NAV3: variants seen among roughly 807,000 people sequenced by gnomAD.
The protein encoded by NAV3 is neuron navigator 3, also known as pore membrane and/or filament interacting like protein 1.
A neutral mutation model predicts 244.7 loss-of-function variants in NAV3; 87 were observed. That is an observed-to-expected ratio of 0.36 (90% confidence interval 0.30 to 0.42). The LOEUF is 0.42. Ranked by LOEUF, NAV3 falls within the 20% of genes least tolerant of loss-of-function variation. The pLI is 1.00. For missense variants in NAV3, 2,663 were observed against 2,893.3 expected (o/e 0.92, Z 1.83); for synonymous variants, 1,126 against 1,042.2 (o/e 1.08, Z -1.55).
intron 2 of NAV3, among the ~76,000 whole-genome samples, chr12:77,636,372 A>G (rs572865643): frequency 6.6e-6 from 1 of 151,598 alleles, no homozygotes; most frequent in Non-Finnish European, 1.5e-5. Flanking sequence ...AGGCTGAGGC[A>G]GGAGAATGAC....
chr12:77,901,208 G>T (rs1010391895), intron 1 of NAV3, among the ~76,000 whole-genome samples: 1 of 152,086 alleles, frequency 6.6e-6, no homozygotes, highest in Non-Finnish European at 1.5e-5. Context: ...CTTCTGCTCT[G>T]CAGAAGCTCT....
chr12:77,889,900 A>C (rs1451863250), intron 1 of NAV3, among the ~76,000 whole-genome samples: 4 of 152,182 alleles, frequency 2.6e-5, no homozygotes, highest in Non-Finnish European at 5.9e-5. Flanking sequence ...AGCCGTTATA[A>C]GTTTGAACTC....
Position 77,612,879 on chromosome 12 carries a change from G to A in NAV3, c.72+40613G>A, listed in dbSNP as rs554027545. Among the ~76,000 whole-genome samples the A allele has an allele frequency of 2.0e-5, 3 of 152,170 alleles. No homozygotes were observed. The East Asian group carries it at 5.8e-4, about 29-fold the overall frequency. On this transcript the variant is annotated intron_variant, in intron 2 of 8. Coordinates refer to the NAV3 transcript ENST00000550042. ...ATCATGGGGACGGTTCCTCCATGCTGTTCTCATGACAGTGAGTGTGTTCTC... is the reference window on the plus strand; with the variant it reads ...ATCATGGGGACGGTTCCTCCATGCTATTCTCATGACAGTGAGTGTGTTCTC...
intron 2 of NAV3, among the ~76,000 whole-genome samples, chr12:77,810,711 G>A (rs1216537183): frequency 1.3e-5 from 2 of 152,108 alleles, no homozygotes; most frequent in Non-Finnish European, 2.9e-5. Flanking sequence ...TAAAATACTA[G>A]CAAATGTATT....
chr12:77,734,202 A>C (rs1877242018), intron 2 of NAV3, among the ~76,000 whole-genome samples: 1 of 152,082 alleles, frequency 6.6e-6, no homozygotes, highest in South Asian at 2.1e-4. Flanking sequence ...AAAATCTAGC[A>C]ATCCATCAAC....
chr12:77,983,164 A>G (rs1869873475), intron 5 of NAV3, among the ~76,000 whole-genome samples: 1 of 152,228 alleles, frequency 6.6e-6, no homozygotes, highest in East Asian at 1.9e-4. Context: ...AATTGCTTTG[A>G]GAAATTTTTA....
chr12:77,708,267 T>G (rs1377572103), intron 2 of NAV3, among the ~76,000 whole-genome samples: 1 of 152,224 alleles, frequency 6.6e-6, no homozygotes, highest in African/African-American at 2.4e-5. Context: ...GTTTCAGCTT[T>G]CTACATATGG....
chr12:77,588,880 G>A (rs1375969138), intron 2 of NAV3, among the ~76,000 whole-genome samples: 2 of 152,086 alleles, frequency 1.3e-5, no homozygotes, highest in South Asian at 2.1e-4. Flanking sequence ...ATCCCTTTTG[G>A]TCTAGAGTTT....
chr12:78,090,304 GT>G (rs1953860173), intron 12 of NAV3, among the ~76,000 whole-genome samples: 1 of 149,256 alleles, frequency 6.7e-6, no homozygotes, highest in Admixed American at 6.6e-5. Flanking sequence ...CTATACACAT[GT>G]TTCTTTGATT....
At position 77,831,564 on chromosome 12, in the gene NAV3, C is replaced by T. The variant is rs1297244394; in HGVS notation, c.103C>T (p.Gln35Ter). The T allele has an allele frequency of 6.2e-7, 1 of 1,614,114 alleles. No individual in the cohort carries two copies. The highest frequency in any genetic ancestry group is 1.1e-5 in the South Asian group (1 of 91,082). The stretch of plus-strand genomic sequence containing the variant: ...ACCAAATCTTGGCACTACTGGGTCA[C>T]AGCACTGTTCTTCAAGACCTTTGGA... ...PIPNLGTTGS[Q>*]HCSSRPLELT... The change falls in exon 1 of 40, where the codon CAG (glutamine) becomes TAG (stop). Residue 35 changes from glutamine (Q) to a stop codon, truncating the protein, a stop_gained. Transcript: ENST00000397909. LOFTEE classifies it high-confidence loss of function.
At chr12:77,871,597 TC>T in intron 1 of NAV3, among the ~76,000 whole-genome samples, 1 of 152,342 alleles carries the variant, frequency 6.6e-6, no homozygotes, top group Non-Finnish European at 1.5e-5. Context: ...TTTATCTATG[TC>T]CCTGCAAAGG....
chr12:78,063,379 G>A lies in NAV3; in HGVS notation c.2636+4264G>A, dbSNP rs77532272. On this transcript the variant is annotated intron_variant, in intron 12 of 39. Coordinates refer to ENST00000397909, the MANE Select transcript of NAV3 (RefSeq NM_001024383.2). The stretch of plus-strand genomic sequence containing the variant: ...GGTTTTATACATTGTGTTGGGCTAT[G>A]TTTAAAGGGTACATTTTTGGGGACT... Among the ~76,000 whole-genome samples the A allele has an allele frequency of 3.0e-3, 453 of 152,256 alleles. 1 individual carries two copies. The highest frequency in any genetic ancestry group is 0.01 in the African/African-American group (428 of 41,556).
intron 2 of NAV3, among the ~76,000 whole-genome samples, chr12:77,798,757 CTTTG>C (rs1201619780): frequency 6.6e-6 from 1 of 152,124 alleles, no homozygotes; most frequent in Non-Finnish European, 1.5e-5. Context: ...TAGGATTAGG[CTTTG>C]TTTGTTACTG....
At chr12:77,976,674 CTTTT>C (rs869041498) in intron 5 of NAV3, among the ~76,000 whole-genome samples, 3 of 83,444 alleles carry the variant, frequency 3.6e-5, no homozygotes, top group Admixed American at 3.6e-4. Context: ...TTCTTTTTTT[CTTTT>C]TTTTTTTTTT....
intron 23 of NAV3, among the ~76,000 whole-genome samples, chr12:78,160,101 A>C (rs1957463469): frequency 6.6e-6 from 1 of 152,168 alleles, no homozygotes; most frequent in Non-Finnish European, 1.5e-5. Context: ...ACTAGTTGCC[A>C]TCTAGGGATA....
chr12:78,151,820 C>T (rs1275314881), intron 22 of NAV3, among the ~76,000 whole-genome samples: 3 of 151,000 alleles, frequency 2.0e-5, no homozygotes, highest in African/African-American at 4.9e-5. Context: ...ATGAAGGATA[C>T]AAGGGACCTC....
intron 39 of NAV3, among the ~76,000 whole-genome samples, chr12:78,206,854 C>CTTTTTTTTTTTTTTTTTTTTTTTTTTTAT (rs10594185): frequency 8.7e-6 from 1 of 114,840 alleles, no homozygotes; most frequent in African/African-American, 3.2e-5. Context: ...TTCTTTCTTA[C>CTTTTTTTTTTTTTTTTTTTTTTTTTTTAT]TTTTTTTTTT....
chr12:77,675,239 AG>A (rs58871269), intron 2 of NAV3, among the ~76,000 whole-genome samples: 2,504 of 152,328 alleles, frequency 0.016, 72 homozygotes, highest in African/African-American at 0.057. Context: ...CCAGAAAAAC[AG>A]AACTGTTAGG....
At chr12:78,000,688 A>G (rs1424799558) in intron 7 of NAV3, among the ~76,000 whole-genome samples, 15 of 145,980 alleles carry the variant, frequency 1.0e-4, no homozygotes, top group African/African-American at 1.5e-4. Context: ...TATTTTTAGT[A>G]GAGACGGGGT....
Sources: gnomAD v4.1 joint callset for allele counts (sites outside exome capture counted in the v4.1 genomes callset) on GRCh38, gnomAD v4.1.1 for gene constraint, MANE v1.5 for transcripts, NCBI Gene and HGNC (gene_info 2026-07-23, HGNC 2026-07-21) for gene names.